ROBO2: variants seen among roughly 807,000 people sequenced by gnomAD.
ROBO2 encodes the protein roundabout homolog 2.
ROBO2 carries 53 observed loss-of-function variants against 160.8 expected under a neutral mutation model. The observed-to-expected ratio is 0.33, with a 90% CI of 0.26 to 0.41. ROBO2 has a LOEUF of 0.41. Ranked by LOEUF, ROBO2 falls within the 10% of genes least tolerant of loss-of-function variation. The probability of loss-of-function intolerance (pLI) is 1.00; values close to 1 mark genes in which losing one functional copy is unlikely to be tolerated. For missense variants in ROBO2, 1,577 were observed against 1,722.4 expected (o/e 0.92, Z 1.49); for synonymous variants, 664 against 611.7 (o/e 1.09, Z -1.26).
intron 6 of ROBO2, among the ~76,000 whole-genome samples, chr3:77,535,942 C>T (rs969862910): frequency 6.6e-6 from 1 of 152,020 alleles, no homozygotes; most frequent in Non-Finnish European, 1.5e-5. Flanking sequence ...TTTAAAATTA[C>T]CTGCAAATGT....
chr3:77,566,230 C>T (rs1490505325), intron 12 of ROBO2, among the ~76,000 whole-genome samples: 1 of 151,936 alleles, frequency 6.6e-6, no homozygotes, highest in Non-Finnish European at 1.5e-5. Context: ...ACGTTGCTGA[C>T]ATGATGACAG....
chr3:77,409,103 G>GTGTA (rs766347662), intron 2 of ROBO2, among the ~76,000 whole-genome samples: 17 of 129,656 alleles, frequency 1.3e-4, no homozygotes, highest in Admixed American at 3.9e-4. Context: ...ATATATATAT[G>GTGTA]TATATATATA....
chr3:76,141,076 T>TATATATATATATATATATATAA (rs1157246932), intron 2 of ROBO2, among the ~76,000 whole-genome samples: 1 of 114,140 alleles, frequency 8.8e-6, no homozygotes, highest in African/African-American at 3.2e-5. Context: ...TATATATATA[T>TATATATATATATATATATATAA]AAAATATATG....
chr3:77,493,061 A>G (rs1362112126), intron 4 of ROBO2, among the ~76,000 whole-genome samples, 183 bp from the exon 5 acceptor site: 1 of 152,188 alleles, frequency 6.6e-6, no homozygotes, highest in East Asian at 1.9e-4. Flanking sequence ...CCTTTGTTCC[A>G]AAATATCTTA....
chr3:77,243,570 T>C (rs1399681723), intron 2 of ROBO2, among the ~76,000 whole-genome samples: 1 of 152,176 alleles, frequency 6.6e-6, no homozygotes, highest in African/African-American at 2.4e-5. Context: ...TTTGCTACTA[T>C]AGTCCCCTCC....
chr3:76,110,061 A>G (rs766512742), intron 2 of ROBO2, among the ~76,000 whole-genome samples: 4 of 150,202 alleles, frequency 2.7e-5, no homozygotes, highest in Non-Finnish European at 5.9e-5. Flanking sequence ...ATGAATGAAT[A>G]TATATATATA....
chr3:76,932,203 A>G (rs1027331153), intron 2 of ROBO2, among the ~76,000 whole-genome samples: 3 of 152,168 alleles, frequency 2.0e-5, no homozygotes, highest in African/African-American at 7.2e-5. Context: ...AAACATGAAA[A>G]AGAATATGAA....
At chr3:76,382,565 C>T (rs938881261) in intron 2 of ROBO2, among the ~76,000 whole-genome samples, 10 of 152,266 alleles carry the variant, frequency 6.6e-5, no homozygotes, top group South Asian at 4.1e-4. Context: ...CCAGCCTGGG[C>T]GACAGAGCGA....
intron 2 of ROBO2, among the ~76,000 whole-genome samples, chr3:76,728,107 T>A (rs1479699453): frequency 6.6e-6 from 1 of 151,730 alleles, no homozygotes; most frequent in Non-Finnish European, 1.5e-5. Flanking sequence ...AGACAGACAT[T>A]ACAAAAAATA....
chr3:77,448,679 A>C (rs1168763035), intron 2 of ROBO2, among the ~76,000 whole-genome samples: 1 of 151,982 alleles, frequency 6.6e-6, no homozygotes, highest in Non-Finnish European at 1.5e-5. Flanking sequence ...AATCGAAATG[A>C]AGTAAGTAGA....
At chr3:77,198,300 G>A (rs1357655976) in intron 2 of ROBO2, among the ~76,000 whole-genome samples, 2 of 151,974 alleles carry the variant, frequency 1.3e-5, no homozygotes, top group East Asian at 3.9e-4. Flanking sequence ...GCACTGAGAA[G>A]GAAACATTTA....
intron 2 of ROBO2, among the ~76,000 whole-genome samples, chr3:76,151,041 C>T (rs1169364556): frequency 6.6e-6 from 1 of 152,126 alleles, no homozygotes; most frequent in Non-Finnish European, 1.5e-5. Flanking sequence ...CTTAGCTTTG[C>T]TGTGTCTTCC....
intron 2 of ROBO2, among the ~76,000 whole-genome samples, chr3:76,688,570 T>C (rs2092731864): frequency 6.7e-6 from 1 of 149,990 alleles, no homozygotes; most frequent in African/African-American, 2.5e-5. Context: ...AATGAAAGTC[T>C]TTTTTTGTAG....
intron 2 of ROBO2, among the ~76,000 whole-genome samples, chr3:76,371,597 G>T (rs916377742): frequency 3.3e-5 from 5 of 151,918 alleles, no homozygotes; most frequent in Admixed American, 6.6e-5. Context: ...AAGATTAGCT[G>T]CATATCAAAT....
chr3:77,637,922 A>T (rs1324488468), intron 24 of ROBO2, among the ~76,000 whole-genome samples: 1 of 152,196 alleles, frequency 6.6e-6, no homozygotes, highest in African/African-American at 2.4e-5. Flanking sequence ...TAAAAAATAA[A>T]TGTTTCTAAA....
intron 2 of ROBO2, among the ~76,000 whole-genome samples, chr3:76,823,188 G>C (rs1366069277): frequency 6.6e-6 from 1 of 152,024 alleles, no homozygotes; most frequent in East Asian, 1.9e-4. Context: ...TTGACATCTA[G>C]CTAGTAATAT....
At chr3:76,892,695 G>C (rs925575749) in intron 2 of ROBO2, among the ~76,000 whole-genome samples, 2 of 152,090 alleles carry the variant, frequency 1.3e-5, no homozygotes, top group Non-Finnish European at 2.9e-5. Context: ...CACCTGAATA[G>C]TTGGAGAAAA....
At position 77,605,871 on chromosome 3, in the gene ROBO2, ACTCT is replaced by A. The variant is rs1353425220; in HGVS notation, c.3137-1922_3137-1919del. On this transcript the variant is annotated intron_variant, in intron 20 of 25. Transcript: ENST00000461745. The stretch of plus-strand genomic sequence containing the variant: ...AAAAGTACCATGGAAAACGAAAAGC[ACTCT>A]CTCTATATATAAATAAATAAGGAAT... Among the ~76,000 whole-genome samples, 5 of 152,144 alleles carry A rather than the reference ACTCT, an allele frequency of 3.3e-5. No individual in the cohort carries two copies. In the East Asian group the frequency reaches 9.7e-4, roughly 29 times the overall value.
intron 2 of ROBO2, among the ~76,000 whole-genome samples, chr3:77,169,782 G>A (rs537665655): frequency 2.0e-5 from 3 of 151,886 alleles, no homozygotes; most frequent in African/African-American, 7.3e-5. Flanking sequence ...ACTCTAAGAA[G>A]GTAGTTCCTG....
Sources: allele counts gnomAD v4.1 joint callset (sites outside exome capture counted in the v4.1 genomes callset), GRCh38; gene constraint gnomAD v4.1.1; transcripts MANE v1.5; gene names NCBI Gene and HGNC (gene_info 2026-07-23, HGNC 2026-07-21).